The following PLXNA4 variants were observed in gnomAD, a reference collection of about 807,000 sequenced individuals.
PLXNA4 encodes the protein plexin A4.
In PLXNA4, 44 loss-of-function variants were observed where a neutral mutation model predicts 191.8. The ratio of observed to expected loss-of-function variants is 0.23; its 90% confidence interval spans 0.18 to 0.29. PLXNA4 has a LOEUF of 0.29. Ranked by LOEUF, PLXNA4 falls within the 10% of genes least tolerant of loss-of-function variation. The pLI is 1.00. For missense variants in PLXNA4, 1,800 were observed against 2,488.8 expected (o/e 0.72, Z 5.89); for synonymous variants, 1,082 against 1,009.5 (o/e 1.07, Z -1.36).
intron 3 of PLXNA4, among the ~76,000 whole-genome samples, chr7:132,373,936 T>C (rs574892568): frequency 5.3e-5 from 8 of 152,258 alleles, no homozygotes; most frequent in African/African-American, 1.9e-4. Context: ...TTAATAGGGA[T>C]ATATAAGAGA....
At chr7:132,198,762 C>A in intron 12 of PLXNA4, 126 bp from the exon 13 acceptor site, 1 of 1,417,604 alleles carries the variant, frequency 7.1e-7, no homozygotes, top group Non-Finnish European at 9.4e-7. Flanking sequence ...CTTGAAGTCA[C>A]CAAGGGCACC....
chr7:132,166,206 G>C (rs1036195854), intron 22 of PLXNA4, among the ~76,000 whole-genome samples: 1 of 151,008 alleles, frequency 6.6e-6, no homozygotes, highest in African/African-American at 2.4e-5. Flanking sequence ...AAAAACAAAC[G>C]AACAAAGAAA....
chr7:132,389,692 C>T (rs1805317244), intron 3 of PLXNA4, among the ~76,000 whole-genome samples: 1 of 152,178 alleles, frequency 6.6e-6, no homozygotes, highest in Non-Finnish European at 1.5e-5. Flanking sequence ...AGTTTGAAGT[C>T]AGGTAGTGTG....
rs145007991 is a variant in PLXNA4, at chr7:132,496,218, ACAT to A, written c.1189-6747_1189-6745del. Among the ~76,000 whole-genome samples, 1,399 of 152,250 alleles carry A rather than the reference ACAT, an allele frequency of 9.2e-3. 18 individuals are homozygous for A. Among genetic ancestry groups the A allele is most frequent in the African/African-American group, 0.032 (1,335 of 41,536 alleles). ...AAACAGTATTCTGCCCCTCTTTCACACATCATATTTCAGATGCGGAAAATAACT... is the reference window on the plus strand; with the variant it reads ...AAACAGTATTCTGCCCCTCTTTCACACATATTTCAGATGCGGAAAATAACT... On this transcript the variant is annotated intron_variant, in intron 2 of 31. Coordinates refer to ENST00000321063, the MANE Select transcript of PLXNA4 (RefSeq NM_020911.2).
intron 1 of PLXNA4, among the ~76,000 whole-genome samples, chr7:132,519,778 C>T (rs1799100167): frequency 6.6e-6 from 1 of 152,236 alleles, no homozygotes. Context: ...TAAAAGCCTC[C>T]TCTCAGAATT....
chr7:132,153,869 T>A (rs1032491974), intron 25 of PLXNA4, among the ~76,000 whole-genome samples: 1 of 152,138 alleles, frequency 6.6e-6, no homozygotes, highest in African/African-American at 2.4e-5. Context: ...TCCACCAGGC[T>A]GGGGACCCTT....
At position 132,245,650 on chromosome 7, in the gene PLXNA4, C is replaced by T. The variant is rs1337246567; in HGVS notation, c.1504-4484G>A. ...TTGCACACTCAGGTTCATAGTGGAA[C>T]TACTCACAATAGCCAAAAGATGGAA... On this transcript the variant is annotated intron_variant, in intron 4 of 31. Transcript: ENST00000321063. Among the ~76,000 whole-genome samples the T allele has an allele frequency of 2.6e-5, 4 of 152,332 alleles. No individual in the cohort carries two copies. The East Asian group carries it at 7.7e-4, about 29-fold the overall frequency.
At position 132,489,325 on chromosome 7, in the gene PLXNA4, G is replaced by C. The variant is rs372816486; in HGVS notation, c.1338C>G (p.Ala446=). 3 of 1,592,250 alleles carry C rather than the reference G, an allele frequency of 1.9e-6. No homozygotes were observed. The African/African-American group carries it at 4.0e-5, about 21-fold the overall frequency. Reference sequence around the variant, plus strand: ...GCTTGCCACTTTTGGTGCCCACAAAGGCCAGAGAGTGGTTCTTGTAGACAT... The same window carrying C: ...GCTTGCCACTTTTGGTGCCCACAAACGCCAGAGAGTGGTTCTTGTAGACAT... The part of the protein sequence containing the change: ...IAYVYKNHSL[A]FVGTKSGKLK... Residue 446 remains alanine, a synonymous_variant, in exon 3 of 32, where the codon GCC becomes GCG. Coordinates refer to ENST00000321063, the MANE Select transcript of PLXNA4 (RefSeq NM_020911.2).
chr7:132,594,941 AGATAGATAGATAGATAGATAGATAATT>A (rs1802672424), intron 2 of PLXNA4, among the ~76,000 whole-genome samples: 1 of 148,620 alleles, frequency 6.7e-6, no homozygotes, highest in Non-Finnish European at 1.5e-5. Context: ...ATAGATAGAT[AGATAGATAGATAGATAGATAGATAATT>A]GATAGATAAT....
At chr7:132,423,153 G>T (rs1794909544) in intron 3 of PLXNA4, among the ~76,000 whole-genome samples, 1 of 152,266 alleles carries the variant, frequency 6.6e-6, no homozygotes, top group Non-Finnish European at 1.5e-5. Context: ...AGGAGGGGTA[G>T]CAAAGAAATC....
chr7:132,130,455 A>G lies in PLXNA4; in HGVS notation c.*24T>C, dbSNP rs564436965. On this transcript the variant is annotated 3_prime_UTR_variant, in exon 32 of 32. Coordinates refer to ENST00000321063, the MANE Select transcript of PLXNA4 (RefSeq NM_020911.2). ...GGCACGGCTTGGTGTGTCCCCCTCC[A>G]GGGCGGCCCTGGAAGGACGGTTCTC... The G allele has an allele frequency of 4.3e-6, 7 of 1,614,046 alleles. No homozygotes were observed. In the Admixed American group the frequency reaches 6.7e-5, roughly 15 times the overall value.
chr7:132,555,045 G>GAAAAAAAAAAAC (rs770401001), intron 1 of PLXNA4, among the ~76,000 whole-genome samples: 1 of 111,942 alleles, frequency 8.9e-6, no homozygotes, highest in African/African-American at 3.7e-5. Context: ...AAACCTGAAG[G>GAAAAAAAAAAAC]AAAAAAAAAA....
At chr7:132,421,794 C>T (rs543164841) in intron 3 of PLXNA4, among the ~76,000 whole-genome samples, 1 of 152,138 alleles carries the variant, frequency 6.6e-6, no homozygotes, top group East Asian at 1.9e-4. Context: ...CCTAGAGATC[C>T]CCAAGAGCAT....
intron 9 of PLXNA4, among the ~76,000 whole-genome samples, 178 bp downstream of exon 9, chr7:132,223,349 G>A (rs1798207014): frequency 6.6e-6 from 1 of 152,218 alleles, no homozygotes; most frequent in Non-Finnish European, 1.5e-5. Context: ...AGAACCCACA[G>A]TCCCAGCACA....
intron 20 of PLXNA4, among the ~76,000 whole-genome samples, chr7:132,177,203 A>C (rs1049296160): frequency 1.3e-5 from 2 of 152,064 alleles, no homozygotes; most frequent in African/African-American, 4.8e-5. Context: ...GCATGTGTGC[A>C]TGTGAGTGTA....
chr7:132,588,974 C>T (rs1160694928), intron 2 of PLXNA4, among the ~76,000 whole-genome samples: 2 of 151,960 alleles, frequency 1.3e-5, no homozygotes, highest in African/African-American at 4.8e-5. Flanking sequence ...AGAGATAGTA[C>T]AGATTTTCAT....
At chr7:132,178,198 A>G (rs1450815683) in intron 20 of PLXNA4, among the ~76,000 whole-genome samples, 1 of 152,204 alleles carries the variant, frequency 6.6e-6, no homozygotes, top group Non-Finnish European at 1.5e-5. Flanking sequence ...AGAAAGCTGG[A>G]GATTGCTGAA....
Position 132,508,172 on chromosome 7 carries a change from G to T in PLXNA4, c.522C>A (p.Val174=). The change falls in exon 2 of 32, where the codon GTC becomes GTA. Residue 174 remains valine, a synonymous_variant. Transcript: ENST00000321063. The surrounding 1 kb of genome is among the most constrained non-coding windows in gnomAD (Gnocchi z 4.4). The part of the protein sequence containing the change: ...NESGSVFGVI[V]SYSNLDDKLF... ...GCTTGTCATCCAGGTTGCTGTAGGA[G>T]ACGATCACTCCAAAGACTGAGCCGC... 1.9e-6 allele frequency: 3 copies of T among 1,614,150 alleles called. No homozygotes were observed. Among genetic ancestry groups the T allele is most frequent in the Non-Finnish European group, 2.5e-6 (3 of 1,180,024 alleles).
intron 12 of PLXNA4, among the ~76,000 whole-genome samples, chr7:132,202,412 C>T (rs571583277): frequency 1.3e-5 from 2 of 152,198 alleles, no homozygotes; most frequent in African/African-American, 2.4e-5. Context: ...TCCAACAGGA[C>T]AGTTGGGCCC....
Sources: gnomAD v4.1 joint callset for allele counts (sites outside exome capture counted in the v4.1 genomes callset) on GRCh38, gnomAD v4.1.1 for gene constraint, Gnocchi (gnomAD v3.1) non-coding constraint, MANE v1.5 for transcripts, NCBI Gene and HGNC (gene_info 2026-07-23, HGNC 2026-07-21) for gene names.